Variants in CWC27 observed in about 807,000 individuals in gnomAD.
CWC27 encodes spliceosome-associated protein CWC27 homolog.
Under a neutral mutation model 63.6 loss-of-function variants are expected in CWC27, and 47 were observed. That is an observed-to-expected ratio of 0.74 (90% confidence interval 0.58 to 0.94). CWC27 has a LOEUF of 0.94. Ranked by LOEUF, CWC27 falls within the 40% of genes least tolerant of loss-of-function variation. CWC27 has a pLI of 0.00. For missense variants in CWC27, 495 were observed against 554.3 expected (o/e 0.89, Z 1.07); for synonymous variants, 175 against 179.8 (o/e 0.97, Z 0.22).
intron 13 of CWC27, among the ~76,000 whole-genome samples, chr5:64,986,693 C>G (rs769859081): frequency 2.0e-5 from 3 of 152,086 alleles, no homozygotes; most frequent in South Asian, 4.1e-4. Flanking sequence ...GAGCCCCCCC[C>G]GGACTGGGCC....
intron 13 of CWC27, among the ~76,000 whole-genome samples, chr5:65,004,378 C>CTTTTTTTTTTTTTTTT (rs70983659): frequency 1.3e-5 from 1 of 79,524 alleles, no homozygotes; most frequent in Non-Finnish European, 2.3e-5. Flanking sequence ...GTTGTATAGG[C>CTTTTTTTTTTTTTTTT]TTTTTTTTTT....
chr5:64,899,044 A>C (rs528551261), intron 11 of CWC27, among the ~76,000 whole-genome samples: 35 of 152,348 alleles, frequency 2.3e-4, no homozygotes, highest in African/African-American at 7.0e-4. Context: ...TCTCCAGTTG[A>C]GTGTCCAAGT....
chr5:64,885,120 G>C (rs914385746), intron 10 of CWC27, among the ~76,000 whole-genome samples: 4 of 151,850 alleles, frequency 2.6e-5, no homozygotes, highest in Non-Finnish European at 4.4e-5. Flanking sequence ...ATTTTGTTTT[G>C]ATCCAGTATC....
At chr5:64,788,083 A>G (rs560800311) in intron 6 of CWC27, among the ~76,000 whole-genome samples, 1 of 152,210 alleles carries the variant, frequency 6.6e-6, no homozygotes, top group South Asian at 2.1e-4. Flanking sequence ...GTGGCAAAAT[A>G]ACTGCTTATT....
chr5:64,906,419 A>G (rs575223412), intron 11 of CWC27, among the ~76,000 whole-genome samples: 10 of 152,310 alleles, frequency 6.6e-5, no homozygotes, highest in African/African-American at 1.7e-4. Context: ...TCTGATGACC[A>G]GTGATGATGA....
At chr5:64,842,740 G>T (rs62369324) in intron 10 of CWC27, among the ~76,000 whole-genome samples, 3 of 151,890 alleles carry the variant, frequency 2.0e-5, no homozygotes, top group African/African-American at 7.2e-5. Context: ...AGCAGGGACT[G>T]CAGGTGCACA....
At chr5:64,947,403 G>A (rs1202484925) in intron 11 of CWC27, among the ~76,000 whole-genome samples, 2 of 152,086 alleles carry the variant, frequency 1.3e-5, no homozygotes, top group East Asian at 3.8e-4. Flanking sequence ...GGTGATACTT[G>A]CCCATGCATA....
chr5:64,932,884 C>G (rs1748268002), intron 11 of CWC27, among the ~76,000 whole-genome samples: 1 of 152,178 alleles, frequency 6.6e-6, no homozygotes, highest in Admixed American at 6.5e-5. Context: ...TCTGAAATCT[C>G]CCAGAAGTGA....
chr5:64,883,328 T>A (rs1746990212), intron 10 of CWC27, among the ~76,000 whole-genome samples: 3 of 152,172 alleles, frequency 2.0e-5, no homozygotes, highest in Admixed American at 2.0e-4. Flanking sequence ...TCTGAGTTAA[T>A]CTACGCAGAA....
intron 7 of CWC27, among the ~76,000 whole-genome samples, chr5:64,793,611 T>C (rs1744152459): frequency 6.6e-6 from 1 of 152,212 alleles, no homozygotes; most frequent in Admixed American, 6.6e-5. Context: ...AATTTAGCTT[T>C]ACTATTTTTA....
chr5:64,853,033 T>C (rs111350954), intron 10 of CWC27, among the ~76,000 whole-genome samples: 9 of 152,262 alleles, frequency 5.9e-5, no homozygotes, highest in Non-Finnish European at 1.3e-4. Context: ...ACTCCTTACA[T>C]TGAAAAGTAT....
chr5:64,823,788 A>G (rs16893170), intron 10 of CWC27, among the ~76,000 whole-genome samples: 50,133 of 152,056 alleles, frequency 0.33, 8,574 homozygotes, highest in East Asian at 0.51. Flanking sequence ...AACCAGCCGG[A>G]ACTCAAACTG....
At chr5:64,983,554 A>G (rs1452142125) in intron 13 of CWC27, among the ~76,000 whole-genome samples, 1 of 152,232 alleles carries the variant, frequency 6.6e-6, no homozygotes, top group African/African-American at 2.4e-5. Flanking sequence ...ATCACAGATT[A>G]TGACCCAATC....
At position 64,851,364 on chromosome 5, in the gene CWC27, C is replaced by T. The variant is rs150371127; in HGVS notation, c.939-34079C>T. 1.7e-3 allele frequency among the ~76,000 whole-genome samples: 259 copies of T among 151,718 alleles called. 1 individual carries two copies. Among genetic ancestry groups the T allele is most frequent in the African/African-American group, 6.1e-3 (250 of 41,310 alleles). On this transcript the variant is annotated intron_variant, in intron 10 of 13. Coordinates refer to ENST00000381070, the MANE Select transcript of CWC27 (RefSeq NM_005869.4). ...TCAAACAGTTAAACTCATAGAAGCA[C>T]AGTAGAATGGTGGTAAGAGAAGCTG...
intron 13 of CWC27, among the ~76,000 whole-genome samples, 183 bp downstream of exon 13, chr5:64,977,421 A>G (rs1168658204): frequency 6.6e-6 from 1 of 152,254 alleles, no homozygotes; most frequent in Non-Finnish European, 1.5e-5. Context: ...CACACCAAGC[A>G]CTGAAGAAAC....
chr5:64,913,894 A>G lies in CWC27; in HGVS notation c.1042+28348A>G, dbSNP rs188027300. ...CAGCAAAGACAGTCAAGATTGAGGA[A>G]AAAACAAAAGTCAAAAATGAGATAG... On this transcript the variant is annotated intron_variant, in intron 11 of 13. Coordinates refer to ENST00000381070, the MANE Select transcript of CWC27 (RefSeq NM_005869.4). Among the ~76,000 whole-genome samples, 99 of 152,210 alleles carry G rather than the reference A, an allele frequency of 6.5e-4. 2 individuals carry two copies. The highest frequency in any genetic ancestry group is 2.3e-3 in the African/African-American group (97 of 41,582).
At chr5:64,897,218 A>G (rs181817488) in intron 11 of CWC27, among the ~76,000 whole-genome samples, 40 of 152,266 alleles carry the variant, frequency 2.6e-4, no homozygotes, top group African/African-American at 9.4e-4. Flanking sequence ...CATTTGACCC[A>G]CTGATCCCAT....
rs184454564 is a variant in CWC27, at chr5:64,809,008, A to G, written c.938+4622A>G. Among the ~76,000 whole-genome samples, 259 of 152,318 alleles carry G rather than the reference A, an allele frequency of 1.7e-3. 1 individual carries two copies. Among genetic ancestry groups the G allele is most frequent in the African/African-American group, 6.1e-3 (255 of 41,574 alleles). On this transcript the variant is annotated intron_variant, in intron 10 of 13. Transcript: ENST00000381070. Reference sequence around the variant, plus strand: ...TAAGTATACAGCTAGCTGAATTTTTACAAACTAAATATATCCATATACCCA... The same window carrying G: ...TAAGTATACAGCTAGCTGAATTTTTGCAAACTAAATATATCCATATACCCA...
intron 10 of CWC27, among the ~76,000 whole-genome samples, chr5:64,835,611 C>A (rs1168933611): frequency 6.6e-6 from 1 of 151,752 alleles, no homozygotes; most frequent in African/African-American, 2.4e-5. Context: ...TAATTTGCCA[C>A]GAACTGATGG....
Sources: gnomAD v4.1 joint callset for allele counts (sites outside exome capture counted in the v4.1 genomes callset) on GRCh38, gnomAD v4.1.1 for gene constraint, MANE v1.5 for transcripts, NCBI Gene and HGNC (gene_info 2026-07-23, HGNC 2026-07-21) for gene names.